The following NRG1 variants were observed in gnomAD, a reference collection of about 807,000 sequenced individuals.
The protein encoded by NRG1 is neuregulin 1.
NRG1 carries 18 observed loss-of-function variants against 63.8 expected under a neutral mutation model. That is an observed-to-expected ratio of 0.28 (90% CI 0.19 to 0.42). The LOEUF is 0.42. Among genes scored for constraint, NRG1 ranks in the 10% least tolerant of loss-of-function variants. The probability of loss-of-function intolerance (pLI) is 1.00; values close to 1 mark genes in which losing one functional copy is unlikely to be tolerated. For synonymous variants in NRG1, 302 were observed against 301.3 expected (o/e 1.00, Z -0.02); for missense variants, 762 against 814.7 (o/e 0.94, Z 0.79).
At chr8:32,547,782 T>G (rs888138203), upstream of NRG1, among the ~76,000 whole-genome samples, 1 of 152,032 alleles carries the variant, frequency 6.6e-6, no homozygotes, top group Non-Finnish European at 1.5e-5. Flanking sequence ...CTTAAGTGAG[T>G]TAAGGAATGA....
chr8:31,814,664 T>C (rs1823263026), intron 1 of NRG1, among the ~76,000 whole-genome samples: 1 of 149,392 alleles, frequency 6.7e-6, no homozygotes, highest in Middle Eastern at 3.6e-3. Flanking sequence ...AATTAAATAT[T>C]AAATAATTTA....
chr8:32,641,972 A>G (rs1256848086), intron 5 of NRG1, among the ~76,000 whole-genome samples: 1 of 152,228 alleles, frequency 6.6e-6, no homozygotes, highest in African/African-American at 2.4e-5. Context: ...AGGAATGACA[A>G]GAAAAAATAG....
rs768739616 is a variant in NRG1 at position 32,727,986 on chromosome 8, A to C, written c.540A>C (p.Val180=). ...CCACCACTGGGACAAGCCATCTTGTAAAATGTGCGGAGAAGGAGAAAACTT... is the reference window on the plus strand; with the variant it reads ...CCACCACTGGGACAAGCCATCTTGTCAAATGTGCGGAGAAGGAGAAAACTT... The change falls in exon 6 of 12, where the codon GTA becomes GTC. Residue 180 remains valine (V), a synonymous_variant. Transcript: ENST00000356819. The C allele has an allele frequency of 2.5e-6, 4 of 1,614,004 alleles. No individual in the cohort carries two copies. In the African/African-American group the frequency reaches 5.3e-5, roughly 22 times the overall value.
At chr8:31,915,621 G>A (rs188005238) in intron 1 of NRG1, among the ~76,000 whole-genome samples, 17 of 152,114 alleles carry the variant, frequency 1.1e-4, no homozygotes, top group African/African-American at 4.1e-4. Context: ...GATATTGCAA[G>A]GTAGTTATAA....
chr8:32,568,371 T>G (rs1485118490), intron 1 of NRG1, among the ~76,000 whole-genome samples: 1 of 152,218 alleles, frequency 6.6e-6, no homozygotes, highest in Non-Finnish European at 1.5e-5. Flanking sequence ...CTTTGGTTTT[T>G]CCACTAGTTC....
At chr8:32,044,639 G>T (rs1400708480) in intron 1 of NRG1, among the ~76,000 whole-genome samples, 1 of 151,324 alleles carries the variant, frequency 6.6e-6, no homozygotes, top group African/African-American at 2.4e-5. Flanking sequence ...AATTAAATTA[G>T]AAATAAATGA....
chr8:32,070,549 C>T (rs1254828206), intron 1 of NRG1, among the ~76,000 whole-genome samples: 2 of 152,182 alleles, frequency 1.3e-5, no homozygotes, highest in Non-Finnish European at 2.9e-5. Context: ...TATCCAGTGA[C>T]TCAGTGCAGA....
intron 1 of NRG1, among the ~76,000 whole-genome samples, chr8:32,385,144 C>G (rs1337497373): frequency 1.3e-5 from 2 of 152,166 alleles, no homozygotes; most frequent in African/African-American, 2.4e-5. Flanking sequence ...CTCAGCCTCC[C>G]GAGTAGCTGG....
At chr8:31,976,662 GGTGTGTGTGT>G (rs55763806) in intron 1 of NRG1, among the ~76,000 whole-genome samples, 2 of 150,468 alleles carry the variant, frequency 1.3e-5, no homozygotes, top group Non-Finnish European at 3.0e-5. Context: ...ATCTGCCATG[GGTGTGTGTGT>G]GTGTGTGTGT....
intron 1 of NRG1, among the ~76,000 whole-genome samples, chr8:32,045,642 A>G (rs1008169383): frequency 6.6e-6 from 1 of 151,952 alleles, no homozygotes; most frequent in African/African-American, 2.4e-5. Flanking sequence ...TCAATGGGAC[A>G]TAAATAGACC....
At chr8:32,094,616 A>G (rs945786156) in intron 1 of NRG1, among the ~76,000 whole-genome samples, 1 of 152,164 alleles carries the variant, frequency 6.6e-6, no homozygotes, top group African/African-American at 2.4e-5. Context: ...GCTAAGAGGG[A>G]TATAATGAGT....
chr8:32,270,579 G>A (rs73248768), intron 1 of NRG1, among the ~76,000 whole-genome samples: 1,588 of 152,274 alleles, frequency 0.01, 12 homozygotes, highest in Middle Eastern at 0.041. Context: ...ATTGTTTAAA[G>A]CACATTTAAT....
intron 1 of NRG1, among the ~76,000 whole-genome samples, chr8:31,891,758 G>C (rs929633157): frequency 9.2e-5 from 14 of 152,120 alleles, no homozygotes; most frequent in African/African-American, 3.4e-4. Flanking sequence ...CCACTAATGG[G>C]TGCATGGTTA....
At chr8:32,772,037 ATATGTATATATATATATATATATATAT>A (rs1831850252), downstream of NRG1, among the ~76,000 whole-genome samples, 5 of 112,710 alleles carry the variant, frequency 4.4e-5, no homozygotes, top group Admixed American at 9.9e-5. Context: ...AAAAAAAAAA[ATATGTATATATATATATATATATATAT>A]ATATATATAT....
intron 1 of NRG1, among the ~76,000 whole-genome samples, chr8:31,716,990 G>A (rs1812412138): frequency 6.6e-6 from 1 of 152,218 alleles, no homozygotes; most frequent in South Asian, 2.1e-4. Context: ...ACAGTTCATG[G>A]CTGAAGTGGT....
intron 1 of NRG1, among the ~76,000 whole-genome samples, chr8:32,127,353 C>T (rs574201581): frequency 2.0e-5 from 3 of 151,930 alleles, no homozygotes; most frequent in East Asian, 1.9e-4. Context: ...AGTAAAGCTA[C>T]GTGGTCTTGC....
At chr8:32,540,746 A>G (rs1588174747) in intron 1 of NRG1, among the ~76,000 whole-genome samples, 1 of 152,168 alleles carries the variant, frequency 6.6e-6, no homozygotes, top group Non-Finnish European at 1.5e-5. Context: ...TACATGCTGA[A>G]TAAGACCCTA....
intron 1 of NRG1, among the ~76,000 whole-genome samples, chr8:32,393,774 T>C (rs1312646728): frequency 6.6e-6 from 1 of 152,100 alleles, no homozygotes; most frequent in African/African-American, 2.4e-5. Flanking sequence ...AAAAAATAAC[T>C]GTTGGGTACT....
intron 5 of NRG1, among the ~76,000 whole-genome samples, chr8:32,676,333 G>A (rs1365204472): frequency 6.6e-6 from 1 of 152,188 alleles, no homozygotes; most frequent in African/African-American, 2.4e-5. Context: ...GGGGGGCTTT[G>A]CACACTTGGA....
Sources: gnomAD v4.1 joint callset for allele counts (sites outside exome capture counted in the v4.1 genomes callset) on GRCh38, gnomAD v4.1.1 for gene constraint, MANE v1.5 for transcripts, NCBI Gene and HGNC (gene_info 2026-07-23, HGNC 2026-07-21) for gene names.